GPHN: variants seen among roughly 807,000 people sequenced by gnomAD.
GPHN encodes gephyrin.
In GPHN, 17 loss-of-function variants were observed where a neutral mutation model predicts 95.5. The observed-to-expected ratio is 0.18, with a 90% CI of 0.12 to 0.27. The LOEUF is 0.27. Among genes scored for constraint, GPHN ranks in the 10% least tolerant of loss-of-function variants. GPHN has a pLI of 1.00. For synonymous variants in GPHN, 320 were observed against 322.5 expected, an observed-to-expected ratio of 0.99 and a Z score of 0.08; for missense variants, 660 against 978.1, an observed-to-expected ratio of 0.67 and a Z score of 4.34.
At chr14:67,563,642 A>G in the GPHN span, among the ~76,000 whole-genome samples, 1 of 151,314 alleles carries the variant, frequency 6.6e-6, no homozygotes, top group South Asian at 2.1e-4. Flanking sequence ...CATGTTGGTC[A>G]GGCTGGCCTC....
the GPHN span, among the ~76,000 whole-genome samples, chr14:67,252,697 T>C: frequency 6.6e-6 from 1 of 152,236 alleles, no homozygotes; most frequent in Admixed American, 6.5e-5. Context: ...GACCCACACA[T>C]TTGATGTCAT....
chr14:66,642,208 A>T (rs1247576852), intron 1 of GPHN, among the ~76,000 whole-genome samples: 1 of 152,156 alleles, frequency 6.6e-6, no homozygotes, highest in East Asian at 1.9e-4. Flanking sequence ...CAGACAATTA[A>T]GATAGTAAAA....
At chr14:67,334,762 C>G in the GPHN span, 15 of 152,324 alleles carry the variant, frequency 9.8e-5, no homozygotes, top group African/African-American at 3.6e-4. Flanking sequence ...GGAAATTTCA[C>G]AGGTCACACC....
chr14:67,100,784 C>A (rs1355834249), intron 12 of GPHN, 72 bp from the exon 13 acceptor site: 25 of 1,002,182 alleles, frequency 2.5e-5, no homozygotes, highest in Admixed American at 6.8e-5. Flanking sequence ...TTTTAGAATT[C>A]CAATTTTAGG....
At chr14:67,098,694 C>T (rs150465396) in intron 12 of GPHN, among the ~76,000 whole-genome samples, 333 of 151,908 alleles carry the variant, frequency 2.2e-3, no homozygotes, top group Middle Eastern at 3.4e-3. Flanking sequence ...TGGTGGCATA[C>T]GCCTGTAATC....
chr14:67,493,784 A>T, the GPHN span, among the ~76,000 whole-genome samples: 2 of 152,202 alleles, frequency 1.3e-5, no homozygotes, highest in African/African-American at 4.8e-5. Context: ...CAAAAGAGGC[A>T]TCCTTTTCTT....
chr14:67,725,355 C>G, the GPHN span: 2 of 1,218,302 alleles, frequency 1.6e-6, no homozygotes, highest in Non-Finnish European at 2.4e-6. Flanking sequence ...CCATCATCCA[C>G]CCCACTAGAC....
At chr14:67,518,139 C>A in the GPHN span, among the ~76,000 whole-genome samples, 4 of 152,300 alleles carry the variant, frequency 2.6e-5, no homozygotes, top group Non-Finnish European at 5.9e-5. Context: ...GGGCCTGGAA[C>A]AAACCACCCC....
chr14:67,642,793 C>CTTTTTTTTTTTTTTTTTTTT, the GPHN span, among the ~76,000 whole-genome samples: 36 of 75,558 alleles, frequency 4.8e-4, 6 homozygotes, highest in African/African-American at 1.5e-3. Flanking sequence ...ACTACATTTT[C>CTTTTTTTTTTTTTTTTTTTT]TTTTTTTTTT....
intron 1 of GPHN, among the ~76,000 whole-genome samples, chr14:66,622,363 G>A (rs1373934525): frequency 6.6e-6 from 1 of 152,144 alleles, no homozygotes; most frequent in Non-Finnish European, 1.5e-5. Flanking sequence ...AGGCCTTTGA[G>A]CCTGTGATGG....
rs761300504 is a variant in GPHN, at chr14:67,088,963, C to T, written c.1145-20C>T. On this transcript the variant is annotated intron_variant, in intron 11 of 22. Coordinates refer to ENST00000478722, the MANE Select transcript of GPHN (RefSeq NM_020806.5). Reference sequence around the variant, plus strand: ...CATTGCTCTCCATATTTACATTTTCCTTCTTTTCTCTTCCTTCAGATGGAA... The same window carrying T: ...CATTGCTCTCCATATTTACATTTTCTTTCTTTTCTCTTCCTTCAGATGGAA... 6 of 1,447,678 alleles carry T rather than the reference C, an allele frequency of 4.1e-6. No homozygotes were observed. The highest frequency in any genetic ancestry group is 2.8e-5 in the African/African-American group (2 of 72,078). The allele number at this position is 1,447,678 out of a possible 1,614,324, so 89.7% of individuals were successfully genotyped here. A position where few individuals can be genotyped will look rare whatever the true frequency, so the allele number is the denominator to read the frequency against.
the GPHN span, among the ~76,000 whole-genome samples, chr14:67,405,440 T>C: frequency 2.0e-5 from 3 of 152,114 alleles, no homozygotes; most frequent in Admixed American, 2.0e-4. Flanking sequence ...AAGGCAAAGA[T>C]GAACAAGACT....
chr14:66,664,615 C>CT (rs1272907795), intron 1 of GPHN, among the ~76,000 whole-genome samples: 1 of 151,716 alleles, frequency 6.6e-6, no homozygotes, highest in Admixed American at 6.6e-5. Context: ...TAGAAGAAGA[C>CT]AAGAAATAAC....
intron 4 of GPHN, among the ~76,000 whole-genome samples, chr14:66,837,242 C>T (rs932615261): frequency 3.9e-4 from 59 of 151,848 alleles, no homozygotes; most frequent in Non-Finnish European, 4.4e-4. Context: ...GGCATATGTA[C>T]ACCATGGAAT....
chr14:66,929,661 T>C (rs553899412), intron 8 of GPHN, among the ~76,000 whole-genome samples: 1 of 152,194 alleles, frequency 6.6e-6, no homozygotes, highest in African/African-American at 2.4e-5. Flanking sequence ...TCCACTTGCA[T>C]GGTATATCTT....
chr14:67,374,185 C>G, the GPHN span, among the ~76,000 whole-genome samples: 1 of 152,164 alleles, frequency 6.6e-6, no homozygotes, highest in African/African-American at 2.4e-5. Flanking sequence ...AGGAAATGTT[C>G]ATTGGAGCAT....
the GPHN span, chr14:67,572,218 C>A: frequency 6.2e-7 from 1 of 1,609,298 alleles, no homozygotes; most frequent in Non-Finnish European, 8.5e-7. Context: ...CTACTCAGAG[C>A]CTGAGCACAA....
the GPHN span, among the ~76,000 whole-genome samples, chr14:67,661,157 G>C: frequency 6.6e-6 from 1 of 151,420 alleles, no homozygotes; most frequent in African/African-American, 2.4e-5. Context: ...CAAATACAGG[G>C]CCAACTATTT....
intron 12 of GPHN, among the ~76,000 whole-genome samples, chr14:67,097,528 C>T (rs753211380): frequency 1.6e-4 from 24 of 151,876 alleles, no homozygotes; most frequent in Non-Finnish European, 2.2e-4. Context: ...TCTTTCCCTC[C>T]CTATTTCCCT....
Sources: allele counts gnomAD v4.1 joint callset (sites outside exome capture counted in the v4.1 genomes callset), GRCh38; gene constraint gnomAD v4.1.1; transcripts MANE v1.5; gene names NCBI Gene and HGNC (gene_info 2026-07-23, HGNC 2026-07-21).